NKAP: variants seen among roughly 807,000 people sequenced by gnomAD.
The protein encoded by NKAP is NF-kappa-B-activating protein.
In NKAP, 4 loss-of-function variants were observed where a neutral mutation model predicts 35.6. The observed-to-expected ratio is 0.11, with a 90% confidence interval of 0.06 to 0.26. The LOEUF (loss-of-function observed/expected upper bound fraction) is 0.26, where lower values mean the gene tolerates loss of function less well. NKAP is among the 10% of genes least tolerant of loss of function. The pLI, the probability that NKAP is intolerant of heterozygous loss-of-function variation, is 1.00. For missense variants in NKAP, 238 were observed against 321.9 expected (o/e 0.74, Z 1.99); for synonymous variants, 106 against 119.2 (o/e 0.89, Z 0.72).
At position 119,943,743 on chromosome X, in the gene NKAP, T is replaced by A; in HGVS notation, c.-138A>T. 1.4e-6 allele frequency: 1 copy of A among 721,587 alleles called. No homozygotes were observed. The allele number at this position is 721,587 out of a possible 1,213,427, so 59.5% of individuals were successfully genotyped here. A position where few individuals can be genotyped will look rare whatever the true frequency, so the allele number is the denominator to read the frequency against. ...AGGAAACCTTGGACACAGTTCTGGG[T>A]ACTTCTGCAAAACCCTTCCCCGGAT... On this transcript the variant is annotated 5_prime_UTR_variant, in exon 1 of 9. Transcript: ENST00000371410.
rs180700845 is a variant in NKAP at position 119,922,795 on chromosome X, A to G, written c.*2425T>C. On this transcript the variant is annotated 3_prime_UTR_variant, in exon 9 of 9. Transcript: ENST00000371410. Reference sequence around the variant, plus strand: ...GACTGCCTTATTTAAACACTTTTGAAAAACAACCACTTAAAAATATAAGGC... The same window carrying G: ...GACTGCCTTATTTAAACACTTTTGAGAAACAACCACTTAAAAATATAAGGC... 1 of 112,275 alleles carries G rather than the reference A, an allele frequency of 8.9e-6. No individual in the cohort carries two copies. The highest frequency in any genetic ancestry group is 9.5e-5 in the Admixed American group (1 of 10,477). 9.3% of individuals were successfully genotyped at this position (112,275 alleles called of 1,213,427 possible).
chrX:119,939,515 G>A (rs1045850474), intron 1 of NKAP, among the ~76,000 whole-genome samples: 2 of 111,337 alleles, frequency 1.8e-5, no homozygotes, highest in South Asian at 3.8e-4. Flanking sequence ...TCAAACTCCT[G>A]ACCTCAGGAG....
At chrX:119,931,784 G>A in intron 7 of NKAP, 152 bp downstream of exon 7, 2 of 491,910 alleles carry the variant, frequency 4.1e-6, no homozygotes, top group East Asian at 3.7e-5. Context: ...AAGTTGCAAA[G>A]TGCACATTAA....
intron 1 of NKAP, 107 bp from the exon 2 acceptor site, chrX:119,938,917 T>C (rs1184178388): frequency 1.9e-5 from 10 of 540,013 alleles, no homozygotes; most frequent in Non-Finnish European, 3.0e-5. Context: ...CTTTATATTT[T>C]AAACATGGAT....
chrX:119,942,927 C>T lies in NKAP; in HGVS notation c.386+293G>A, dbSNP rs778347715. ...TATTCACGAATGATAATGACACAAC[C>T]AGGTAAATGCTACAGTTCTGGTAGG... On this transcript the variant is annotated intron_variant, in intron 1 of 8. Coordinates refer to ENST00000371410, the MANE Select transcript of NKAP (RefSeq NM_024528.4). 16 of 272,952 alleles carry T rather than the reference C, an allele frequency of 5.9e-5. No homozygotes were observed. In the South Asian group the frequency reaches 7.8e-4, roughly 13 times the overall value. The allele number at this position is 272,952 out of a possible 1,213,427, so 22.5% of individuals were successfully genotyped here.
At chrX:119,934,783 G>A (rs2056759433) in intron 4 of NKAP, among the ~76,000 whole-genome samples, 1 of 110,860 alleles carries the variant, frequency 9.0e-6, no homozygotes, top group African/African-American at 3.3e-5. Flanking sequence ...TAATTTTATT[G>A]TGTGAGATAG....
intron 1 of NKAP, 87 bp downstream of exon 1, chrX:119,943,133 G>A: frequency 1.8e-6 from 2 of 1,085,013 alleles, no homozygotes; most frequent in African/African-American, 3.7e-5. Flanking sequence ...TGAGCGAAAT[G>A]CGAATAGTCA....
rs1397543859 is a variant in NKAP, at chrX:119,922,783, A to G, written c.*2437T>C. 5 of 112,095 alleles carry G rather than the reference A, an allele frequency of 4.5e-5. No individual in the cohort carries two copies. In the East Asian group the frequency reaches 1.4e-3, roughly 31 times the overall value. The allele number at this position is 112,095 out of a possible 1,213,427, so 9.2% of individuals were successfully genotyped here. A position where few individuals can be genotyped will look rare whatever the true frequency, so the allele number is the denominator to read the frequency against. On this transcript the variant is annotated 3_prime_UTR_variant, in exon 9 of 9. Transcript: ENST00000371410. ...ACTTTGAAATATGACTGCCTTATTT[A>G]AACACTTTTGAAAAACAACCACTTA... is the stretch of plus-strand genomic sequence containing the variant.
At chrX:119,936,818 C>A in intron 2 of NKAP, 136 bp from the exon 3 acceptor site, 1 of 474,106 alleles carries the variant, frequency 2.1e-6, no homozygotes, top group East Asian at 4.0e-5. Context: ...CATTGGAGAT[C>A]CTAAGGCAGA....
At position 119,922,077 on chromosome X, in the gene NKAP, C is replaced by T. The variant is rs1375323128; in HGVS notation, c.*3143G>A. ...CAGGATGGTCTTGATCTCCTGACCT[C>T]ATGGTCCGCCCACCTCGGCCTCCCA... On this transcript the variant is annotated 3_prime_UTR_variant, in exon 9 of 9. Coordinates refer to ENST00000371410, the MANE Select transcript of NKAP (RefSeq NM_024528.4). 2 of 111,372 alleles carry T rather than the reference C, an allele frequency of 1.8e-5. No homozygotes were observed. Among genetic ancestry groups the T allele is most frequent in the African/African-American group, 6.5e-5 (2 of 30,721 alleles). 9.2% of individuals were successfully genotyped at this position (111,372 alleles called of 1,213,427 possible).
chrX:119,925,447 C>T (rs1472274954), intron 8 of NKAP, 53 bp from the exon 9 acceptor site: 16 of 1,120,805 alleles, frequency 1.4e-5, no homozygotes, highest in Non-Finnish European at 1.9e-5. Flanking sequence ...TTTCATAGTA[C>T]ATCATCATTA....
Position 119,930,636 on chromosome X carries a change from T to A in NKAP, c.924-471A>T, listed in dbSNP as rs779563901. Among the ~76,000 whole-genome samples, 3 of 110,358 alleles carry A rather than the reference T, an allele frequency of 2.7e-5. 1 individual carries two copies. In the Admixed American group the frequency reaches 2.9e-4, roughly 11 times the overall value. On this transcript the variant is annotated intron_variant, in intron 7 of 8. Coordinates refer to ENST00000371410, the MANE Select transcript of NKAP (RefSeq NM_024528.4). ...GAGCTTGAGAGCAGCCTGGCCAACA[T>A]AGCGAAACCCCGTCTCTACTAAAAA... is the stretch of plus-strand genomic sequence containing the variant.
At chrX:119,925,947 A>ATTTTTTTTTTTTTTT (rs1238211722) in intron 8 of NKAP, among the ~76,000 whole-genome samples, 3 of 52,388 alleles carry the variant, frequency 5.7e-5, no homozygotes, top group Admixed American at 5.4e-4. Context: ...TTTTTTTTTA[A>ATTTTTTTTTTTTTTT]TTTTTTTTTT....
At chrX:119,931,463 G>GAA (rs1417891314) in intron 7 of NKAP, among the ~76,000 whole-genome samples, 1 of 110,734 alleles carries the variant, frequency 9.0e-6, no homozygotes, top group African/African-American at 3.3e-5. Context: ...CCAAGATCAC[G>GAA]CCACTAAACT....
intron 1 of NKAP, among the ~76,000 whole-genome samples, chrX:119,942,251 T>C (rs1439779732): frequency 1.0e-4 from 11 of 110,542 alleles, no homozygotes; most frequent in African/African-American, 3.3e-4. Flanking sequence ...CGTGGGAGGA[T>C]CACTTGAGCC....
At position 119,924,929 on chromosome X, in the gene NKAP, A is replaced by C. The variant is rs967478159; in HGVS notation, c.*291T>G. 1 of 252,379 alleles carries C rather than the reference A, an allele frequency of 4.0e-6. No individual in the cohort carries two copies. The highest frequency in any genetic ancestry group is 6.9e-6 in the Non-Finnish European group (1 of 144,637). The allele number at this position is 252,379 out of a possible 1,213,427, so 20.8% of individuals were successfully genotyped here. On this transcript the variant is annotated 3_prime_UTR_variant, in exon 9 of 9. Transcript: ENST00000371410. The stretch of plus-strand genomic sequence containing the variant: ...TCGAACTCCTGGCCTCAAGTGATCC[A>C]CCCGCCTCAGCCTCCCAAAGTGCTG...
intron 2 of NKAP, 22 bp from the exon 3 acceptor site, chrX:119,936,704 A>G: frequency 1.8e-6 from 2 of 1,129,461 alleles, no homozygotes; most frequent in South Asian, 1.9e-5. Context: ...TAAAATGGTT[A>G]TAAGAATTAG....
chrX:119,925,969 A>C (rs1488402692), intron 8 of NKAP, among the ~76,000 whole-genome samples: 1 of 14,200 alleles, frequency 7.0e-5, no homozygotes, highest in African/African-American at 4.7e-4. Flanking sequence ...TTTTTTTTTG[A>C]GACGGAGTCT....
At chrX:119,942,454 G>A (rs1030707629) in intron 1 of NKAP, among the ~76,000 whole-genome samples, 2 of 111,021 alleles carry the variant, frequency 1.8e-5, no homozygotes, top group African/African-American at 6.6e-5. Context: ...CAACCTGGGC[G>A]ACAGAGCTAG....
Sources: allele counts gnomAD v4.1 joint callset (sites outside exome capture counted in the v4.1 genomes callset), GRCh38; gene constraint gnomAD v4.1.1; transcripts MANE v1.5; gene names NCBI Gene and HGNC (gene_info 2026-07-23, HGNC 2026-07-21).